ACSM3: variants seen among roughly 807,000 people sequenced by gnomAD.
ACSM3 encodes acyl-CoA synthetase medium chain family member 3, also known as acyl-coenzyme A synthetase ACSM3, mitochondrial.
In ACSM3, 61 loss-of-function variants were observed where a neutral mutation model predicts 74.1. The ratio of observed to expected loss-of-function variants is 0.82; its 90% CI spans 0.67 to 1.02. The LOEUF is 1.02. Among genes scored for constraint, ACSM3 ranks in the 50% least tolerant of loss-of-function variants. The pLI, the probability that ACSM3 is intolerant of heterozygous loss-of-function variation, is 0.00. For missense variants in ACSM3, 660 were observed against 697.0 expected, an observed-to-expected ratio of 0.95 and a Z score of 0.60; for synonymous variants, 213 against 241.5, an observed-to-expected ratio of 0.88 and a Z score of 1.09.
At chr16:20,685,553 G>A (rs562286632) in intron 1 of ACSM3, 2 of 753,246 alleles carry the variant, frequency 2.7e-6, no homozygotes, top group South Asian at 3.4e-5. Context: ...CAGGCGCAGT[G>A]GCTCATGCTT....
rs2079682555 is a variant in ACSM3, at chr16:20,695,117, T to A, written c.-190+20295T>A. 2.6e-5 allele frequency among the ~76,000 whole-genome samples: 4 copies of A among 152,208 alleles called. No individual in the cohort carries two copies. In the South Asian group the frequency reaches 8.3e-4, roughly 31 times the overall value. On this transcript the variant is annotated intron_variant, in intron 1 of 3. Transcript: ENST00000561584. ...CTCACAAATGTGTTTGTGATTCTAATTTAATCTTCGTCACATGAGAGGGCC... is the reference window on the plus strand; with the variant it reads ...CTCACAAATGTGTTTGTGATTCTAAATTAATCTTCGTCACATGAGAGGGCC...
At chr16:20,714,910 A>G (rs955458116) in intron 1 of ACSM3, among the ~76,000 whole-genome samples, 1 of 152,204 alleles carries the variant, frequency 6.6e-6, no homozygotes. Flanking sequence ...GGAAAGGAAG[A>G]CAAGTTGGAT....
intron 1 of ACSM3, chr16:20,741,631 G>A (rs374344025): frequency 6.3e-7 from 1 of 1,579,064 alleles, no homozygotes; most frequent in Non-Finnish European, 8.6e-7. Context: ...TCTAGCTGAC[G>A]GGGCCCGCCA....
intron 1 of ACSM3, among the ~76,000 whole-genome samples, chr16:20,765,078 C>T (rs771785887): frequency 6.6e-6 from 1 of 152,124 alleles, no homozygotes; most frequent in South Asian, 2.1e-4. Context: ...GCTAAAGCCC[C>T]CTTGGCTGTA....
At position 20,790,922 on chromosome 16, in the gene ACSM3, A is replaced by G; in HGVS notation, c.1326+234A>G. Reference sequence around the variant, plus strand: ...ACTGTTCCAGGTCCACGAAGGCAAGAGGAAGGGACCCTAGAAAGAGGACAG... The same window carrying G: ...ACTGTTCCAGGTCCACGAAGGCAAGGGGAAGGGACCCTAGAAAGAGGACAG... On this transcript the variant is annotated intron_variant, in intron 10 of 13. Transcript: ENST00000289416. This position sits in a 1 kb window ranked among gnomAD's most constrained non-coding sequence, Gnocchi z 4.0. 6.2e-7 allele frequency: 1 copy of G among 1,614,012 alleles called. No individual in the cohort carries two copies. Among genetic ancestry groups the G allele is most frequent in the Middle Eastern group, 1.7e-4 (1 of 6,060 alleles).
At chr16:20,765,984 C>T (rs1384298346) in intron 1 of ACSM3, among the ~76,000 whole-genome samples, 2 of 152,166 alleles carry the variant, frequency 1.3e-5, no homozygotes, top group African/African-American at 2.4e-5. Flanking sequence ...AGGACCTTGT[C>T]TCTTGCATTC....
intron 1 of ACSM3, among the ~76,000 whole-genome samples, chr16:20,682,794 G>A (rs189941249): frequency 6.6e-5 from 10 of 152,314 alleles, no homozygotes; most frequent in Non-Finnish European, 1.5e-5. Flanking sequence ...AAGTATAGAT[G>A]TAAACAGAAC....
intron 1 of ACSM3, chr16:20,749,289 C>T (rs1402247576): frequency 6.6e-6 from 1 of 152,112 alleles, no homozygotes; most frequent in Non-Finnish European, 1.5e-5. Flanking sequence ...TGAAGAGACA[C>T]TAAACCTCTG....
chr16:20,784,943 AT>A (rs781063792), intron 7 of ACSM3, 40 bp from the exon 8 acceptor site: 1 of 1,582,784 alleles, frequency 6.3e-7, no homozygotes, highest in Non-Finnish European at 8.6e-7. Context: ...ACTTCTCTCC[AT>A]TTTTCCTCCT....
chr16:20,747,765 G>A (rs1302153157), intron 1 of ACSM3, among the ~76,000 whole-genome samples: 1 of 152,182 alleles, frequency 6.6e-6, no homozygotes. Context: ...GCTATGGACT[G>A]CATATTCCAC....
At chr16:20,676,405 A>G (rs942701685) in intron 1 of ACSM3, among the ~76,000 whole-genome samples, 1 of 152,194 alleles carries the variant, frequency 6.6e-6, no homozygotes, top group African/African-American at 2.4e-5. Context: ...CAGTTTTAAG[A>G]AAGACTTTTT....
At chr16:20,704,895 A>G (rs2079722581) in intron 1 of ACSM3, among the ~76,000 whole-genome samples, 1 of 152,228 alleles carries the variant, frequency 6.6e-6, no homozygotes, top group African/African-American at 2.4e-5. Flanking sequence ...TAAAATTCAC[A>G]TGCTCACAAT....
At chr16:20,727,190 T>C (rs1255088825) in intron 1 of ACSM3, among the ~76,000 whole-genome samples, 6 of 152,202 alleles carry the variant, frequency 3.9e-5, no homozygotes, top group Non-Finnish European at 2.9e-5. Context: ...TGTCTAACAA[T>C]ACAGTAGGTG....
intron 1 of ACSM3, 96 bp from the exon 2 acceptor site, chr16:20,769,888 G>A: frequency 3.0e-6 from 2 of 676,876 alleles, no homozygotes. Flanking sequence ...GTACTATCAT[G>A]ATGATTATCA....
chr16:20,708,763 A>G (rs1567320954), intron 1 of ACSM3, among the ~76,000 whole-genome samples: 1 of 152,240 alleles, frequency 6.6e-6, no homozygotes, highest in South Asian at 2.1e-4. Flanking sequence ...ATAGAAAAAA[A>G]CAATTCTAAA....
chr16:20,762,881 C>T (rs143773659), upstream of ACSM3, among the ~76,000 whole-genome samples: 4 of 152,344 alleles, frequency 2.6e-5, no homozygotes, highest in East Asian at 5.8e-4. Flanking sequence ...TGTCTGCTCT[C>T]ATCACTCTTA....
intron 1 of ACSM3, chr16:20,725,590 GC>G (rs1490005656): frequency 1.3e-5 from 2 of 157,778 alleles, no homozygotes; most frequent in African/African-American, 4.8e-5. Flanking sequence ...CATCGAGGGG[GC>G]TGTCATATGC....
At chr16:20,677,195 A>T (rs2020339123) in intron 1 of ACSM3, among the ~76,000 whole-genome samples, 1 of 150,814 alleles carries the variant, frequency 6.6e-6, no homozygotes, top group South Asian at 2.1e-4. Flanking sequence ...CTCCTCTAGG[A>T]GGCTAACCAG....
intron 2 of ACSM3, among the ~76,000 whole-genome samples, chr16:20,754,225 G>A (rs1408442829): frequency 6.6e-6 from 1 of 152,184 alleles, no homozygotes; most frequent in East Asian, 1.9e-4. Flanking sequence ...GAGAAACAGG[G>A]GAAGGAGTGA....
Sources: allele counts gnomAD v4.1 joint callset (sites outside exome capture counted in the v4.1 genomes callset), GRCh38; gene constraint gnomAD v4.1.1; non-coding constraint Gnocchi (gnomAD v3.1); transcripts MANE v1.5; gene names NCBI Gene and HGNC (gene_info 2026-07-23, HGNC 2026-07-21).